Variants in ZNF7 observed in about 807,000 individuals in gnomAD.
ZNF7 encodes zinc finger protein 7.
ZNF7 carries 10 observed loss-of-function variants against 12.0 expected under a neutral mutation model. The ratio of observed to expected loss-of-function variants is 0.83; its 90% CI spans 0.51 to 1.42. The LOEUF is 1.42. Among genes scored for constraint, ZNF7 ranks in the 40% most tolerant of loss-of-function variants. The pLI, the probability that ZNF7 is intolerant of heterozygous loss-of-function variation, is 0.00. For missense variants in ZNF7, 854 were observed against 837.2 expected, an observed-to-expected ratio of 1.02 and a Z score of -0.25; for synonymous variants, 334 against 295.0, an observed-to-expected ratio of 1.13 and a Z score of -1.35.
Position 144,829,605 on chromosome 8 carries a change from G to T in ZNF7, c.130+1G>T, listed in dbSNP as rs775673151. 15 of 1,606,068 alleles carry T rather than the reference G, an allele frequency of 9.3e-6. No individual in the cohort carries two copies. The highest frequency in any genetic ancestry group is 4.0e-5 in the African/African-American group (3 of 74,796). ...AACCACAGCAGTGTGGCTGGACTAG[G>T]TGAGGCTGCACCTTGGGGCCCCTTC... On this transcript the variant is annotated splice_donor_variant, in intron 3 of 4. Transcript: ENST00000532777. LOFTEE classifies it high-confidence loss of function.
Position 144,843,313 on chromosome 8 carries a change from A to C in ZNF7, c.*145A>C. 9.3e-7 allele frequency: 1 copy of C among 1,077,124 alleles called. No homozygotes were observed. The highest frequency in any genetic ancestry group is 1.3e-6 in the Non-Finnish European group (1 of 775,700). The allele number at this position is 1,077,124 out of a possible 1,614,324, so 66.7% of individuals were successfully genotyped here. On this transcript the variant is annotated 3_prime_UTR_variant, in exon 5 of 5. Coordinates refer to ENST00000532777, the MANE Select transcript of ZNF7 (RefSeq NM_003416.4). ...CTCAAGAATATCCAACTTCAGGCCGAGTGTGGTGGCTTATGCCTGTCATCC... is the reference window on the plus strand; with the variant it reads ...CTCAAGAATATCCAACTTCAGGCCGCGTGTGGTGGCTTATGCCTGTCATCC...
At chr8:144,837,713 C>G (rs1055637981) in intron 4 of ZNF7, among the ~76,000 whole-genome samples, 18 of 152,174 alleles carry the variant, frequency 1.2e-4, no homozygotes, top group African/African-American at 4.3e-4. Flanking sequence ...GCAGAAGAGC[C>G]AAGACACAAA....
chr8:144,832,423 C>CAA (rs36076579), intron 3 of ZNF7, among the ~76,000 whole-genome samples: 4 of 36,104 alleles, frequency 1.1e-4, no homozygotes, highest in Non-Finnish European at 9.1e-5. Flanking sequence ...ACTCTATCTC[C>CAA]AAAAAAAAAA....
intron 4 of ZNF7, chr8:144,838,605 A>AG (rs1232795860): frequency 1.3e-5 from 2 of 156,270 alleles, no homozygotes; most frequent in African/African-American, 4.8e-5. Context: ...ACCGGCTTGT[A>AG]GGGGCCTCGG....
In ZNF7 at chr8:144,841,341, C is replaced by G; in HGVS notation, c.248-14C>G. On this transcript the variant is annotated splice_polypyrimidine_tract_variant and intron_variant, in intron 4 of 4. Transcript: ENST00000532777. ...ACAGGGCCTAAGGAACGTCTTTGTT[C>G]CTGTTTATTTCAGATTCTACGATTA... 6.3e-7 allele frequency: 1 copy of G among 1,590,618 alleles called. No homozygotes were observed. Among genetic ancestry groups the G allele is most frequent in the Non-Finnish European group, 8.6e-7 (1 of 1,166,008 alleles).
intron 1 of ZNF7, among the ~76,000 whole-genome samples, chr8:144,828,501 C>T (rs1483830728): frequency 1.3e-5 from 2 of 152,208 alleles, no homozygotes; most frequent in African/African-American, 4.8e-5. Context: ...AATTTACCCA[C>T]ACTGGTTCAT....
chr8:144,841,091 G>C, intron 4 of ZNF7: 1 of 458,058 alleles, frequency 2.2e-6, no homozygotes, highest in Non-Finnish European at 3.9e-6. Context: ...AGTGCCTGTA[G>C]GATGGACCTC....
At chr8:144,841,162 A>AGATCT in intron 4 of ZNF7, 193 bp from the exon 5 acceptor site, 1 of 622,586 alleles carries the variant, frequency 1.6e-6, no homozygotes, top group African/African-American at 1.8e-5. Context: ...GAATGAGTGA[A>AGATCT]CAAGGTAAAA....
chr8:144,846,115 T>TCCTGGTTCATGAACCA (rs1371881039), downstream of ZNF7: 1 of 1,536,258 alleles, frequency 6.5e-7, no homozygotes, highest in South Asian at 1.2e-5. Context: ...CATCTCCTCT[T>TCCTGGTTCATGAACCA]GGCCACTTCC....
chr8:144,828,479 C>G (rs949619521), intron 1 of ZNF7, among the ~76,000 whole-genome samples: 1 of 152,068 alleles, frequency 6.6e-6, no homozygotes, highest in Non-Finnish European at 1.5e-5. Context: ...ACTGCCTTCC[C>G]TTGCTGCCGG....
chr8:144,840,430 C>T (rs145362326), intron 4 of ZNF7, among the ~76,000 whole-genome samples: 9 of 152,102 alleles, frequency 5.9e-5, no homozygotes, highest in South Asian at 2.1e-4. Flanking sequence ...GGGGTAGACT[C>T]GGGCTGGTTA....
At chr8:144,828,790 C>T (rs966418082) in intron 1 of ZNF7, 7 of 543,162 alleles carry the variant, frequency 1.3e-5, no homozygotes, top group African/African-American at 7.6e-5. Flanking sequence ...CAGTGCCTGG[C>T]ACGTGGCATC....
chr8:144,843,075 C>T lies in ZNF7; in HGVS notation c.1968C>T (p.His656=), dbSNP rs143638999. ...ACCTAATTATACACCAGAGAATTCA[C>T]ACCGGGGAGAAGCCTTATAAATGCA... The part of the protein sequence containing the change: ...RSHLIIHQRI[H]TGEKPYKCND... The change falls in exon 5 of 5, where the codon CAC becomes CAT. Residue 656 remains histidine, a synonymous_variant. Transcript: ENST00000532777. 86 of 1,613,836 alleles carry T rather than the reference C, an allele frequency of 5.3e-5. No individual in the cohort carries two copies. The highest frequency in any genetic ancestry group is 7.2e-5 in the Non-Finnish European group (85 of 1,179,986).
Position 144,842,335 on chromosome 8 carries a change from G to C in ZNF7, c.1228G>C (p.Glu410Gln), listed in dbSNP as rs1830045618. 1.9e-6 allele frequency: 3 copies of C among 1,613,890 alleles called. No individual in the cohort carries two copies. Among genetic ancestry groups the C allele is most frequent in the Admixed American group, 3.3e-5 (2 of 60,016 alleles). The part of the protein sequence containing the change: ...LVAHQRIHAV[E>Q]KPFKCDECGK... ...TGCACATCAGAGAATTCACGCTGTA[G>C]AGAAACCATTTAAGTGTGATGAGTG... The change falls in exon 5 of 5, where the codon GAG becomes CAG. Residue 410 changes from glutamate (E) to glutamine (Q), a missense_variant. Physicochemically the swap from Glu to Gln is conservative, Grantham distance 29. Coordinates refer to ENST00000532777, the MANE Select transcript of ZNF7 (RefSeq NM_003416.4).
downstream of ZNF7, chr8:144,846,239 A>G (rs1830505768): frequency 1.3e-6 from 2 of 1,482,356 alleles, no homozygotes; most frequent in Admixed American, 4.1e-5. Flanking sequence ...CAACCAGCCA[A>G]AAAGGGGCTG....
Position 144,843,366 on chromosome 8 carries a change from C to G in ZNF7, c.*198C>G, listed in dbSNP as rs566396656. On this transcript the variant is annotated 3_prime_UTR_variant, in exon 5 of 5. Coordinates refer to ENST00000532777, the MANE Select transcript of ZNF7 (RefSeq NM_003416.4). Reference sequence around the variant, plus strand: ...GCACTTTGGGAGGCCAAGGCGGGCACATCACGAGGTCAGGAGGTTGAGACC... The same window carrying G: ...GCACTTTGGGAGGCCAAGGCGGGCAGATCACGAGGTCAGGAGGTTGAGACC... The G allele has an allele frequency of 4.0e-4, 228 of 570,716 alleles. No individual in the cohort carries two copies. Among genetic ancestry groups the G allele is most frequent in the East Asian group, 1.3e-3 (40 of 31,436 alleles). 35.4% of individuals were successfully genotyped at this position (570,716 alleles called of 1,614,324 possible).
chr8:144,831,715 G>A lies in ZNF7; in HGVS notation c.130+2111G>A, dbSNP rs1286145052. ...CGAGAATCGCTTGAACCCTGGAGGC[G>A]GAGCTTGCAGCGAGCTGAGATCGCA... On this transcript the variant is annotated intron_variant, in intron 3 of 4. Coordinates refer to ENST00000532777, the MANE Select transcript of ZNF7 (RefSeq NM_003416.4). 2.0e-5 allele frequency among the ~76,000 whole-genome samples: 2 copies of A among 98,878 alleles called. 1 individual carries two copies. Among genetic ancestry groups the A allele is most frequent in the Non-Finnish European group, 5.1e-5 (2 of 39,272 alleles). 64.9% of individuals were successfully genotyped at this position (98,878 alleles called of 152,430 possible). A position where few individuals can be genotyped will look rare whatever the true frequency, so the allele number is the denominator to read the frequency against.
At chr8:144,833,196 CA>C (rs11417590) in intron 3 of ZNF7, among the ~76,000 whole-genome samples, 5,028 of 109,024 alleles carry the variant, frequency 0.046, 235 homozygotes, top group African/African-American at 0.18. Flanking sequence ...GACTTTGTCT[CA>C]AAAAAAAAAA....
At chr8:144,829,114 C>T (rs1410078725) in intron 2 of ZNF7, 24 bp downstream of exon 2, 3 of 1,613,626 alleles carry the variant, frequency 1.9e-6, no homozygotes, top group Non-Finnish European at 2.5e-6. Context: ...CTGCCTCCTT[C>T]CCCTCGCATG....
Sources: allele counts gnomAD v4.1 joint callset (sites outside exome capture counted in the v4.1 genomes callset), GRCh38; gene constraint gnomAD v4.1.1; transcripts MANE v1.5; gene names NCBI Gene and HGNC (gene_info 2026-07-23, HGNC 2026-07-21).